The following LYPD6 variants were observed in gnomAD, a reference collection of about 807,000 sequenced individuals.
The protein encoded by LYPD6 is ly6/PLAUR domain-containing protein 6.
Under a neutral mutation model 22.7 loss-of-function variants are expected in LYPD6, and 15 were observed. That is an observed-to-expected ratio of 0.66 (90% CI 0.44 to 1.02). LYPD6 has a LOEUF of 1.02. Among genes scored for constraint, LYPD6 ranks in the 50% least tolerant of loss-of-function variants. The pLI is 0.00. For synonymous variants in LYPD6, 72 were observed against 77.5 expected (o/e 0.93, Z 0.37); for missense variants, 189 against 208.4 (o/e 0.91, Z 0.57).
At chr2:149,408,684 C>G (rs182211794) in intron 1 of LYPD6, among the ~76,000 whole-genome samples, 1 of 152,118 alleles carries the variant, frequency 6.6e-6, no homozygotes, top group Non-Finnish European at 1.5e-5. Context: ...TTCTTCTGCT[C>G]GTTTGATACT....
In LYPD6 at chr2:149,347,604, A is replaced by C. The variant is rs561599220; in HGVS notation, c.-72+16882A>C. Among the ~76,000 whole-genome samples, 81 of 152,264 alleles carry C rather than the reference A, an allele frequency of 5.3e-4. 1 individual carries two copies. Among genetic ancestry groups the C allele is most frequent in the Non-Finnish European group, 1.1e-3 (72 of 68,004 alleles). On this transcript the variant is annotated intron_variant, in intron 1 of 4. Transcript: ENST00000334166. ...TCTGGATTGAAATTTTATTTGCTGT[A>C]ATTTTATCCCCAAAATGACAGATTC... is the stretch of plus-strand genomic sequence containing the variant.
At chr2:149,367,324 A>G (rs2105073999) in intron 1 of LYPD6, among the ~76,000 whole-genome samples, 1 of 152,304 alleles carries the variant, frequency 6.6e-6, no homozygotes, top group Non-Finnish European at 1.5e-5. Context: ...TGAGGGCCTC[A>G]GTTCCTAACT....
intron 1 of LYPD6, among the ~76,000 whole-genome samples, chr2:149,365,519 T>C (rs1209949575): frequency 1.3e-5 from 2 of 152,188 alleles, no homozygotes; most frequent in Admixed American, 6.5e-5. Context: ...TGGATTGTTA[T>C]TAAGGATTTT....
In LYPD6 at chr2:149,470,838, GCTCAT is replaced by G. The variant is rs1304277668; in HGVS notation, c.505_509del (p.Leu169ValfsTer54). The G allele has an allele frequency of 3.7e-6, 6 of 1,612,498 alleles. No homozygotes were observed. The African/African-American group carries it at 6.7e-5, about 18-fold the overall frequency. On this transcript the variant is annotated frameshift_variant, in exon 5 of 5. Coordinates refer to ENST00000334166, the MANE Select transcript of LYPD6 (RefSeq NM_194317.5). LOFTEE classifies it high-confidence loss of function. ...TGTCCTGCTTGTGGTTGTGGTTAGG[GCTCAT>G]GTTATAGTGGCTCAGTGGCTCCATG...
chr2:149,377,275 G>A (rs1681943562), intron 1 of LYPD6, among the ~76,000 whole-genome samples: 1 of 150,838 alleles, frequency 6.6e-6, no homozygotes, highest in African/African-American at 2.4e-5. Flanking sequence ...GTTGCAAGGA[G>A]ACTATGCAGG....
In LYPD6 at chr2:149,380,849, A is replaced by G. The variant is rs116441553; in HGVS notation, c.-72+50127A>G. Among the ~76,000 whole-genome samples the G allele has an allele frequency of 3.3e-3, 503 of 152,288 alleles. 4 individuals are homozygous for G. Among genetic ancestry groups the G allele is most frequent in the South Asian group, 0.016 (78 of 4,818 alleles). Reference sequence around the variant, plus strand: ...TAAGGACTGACCTTTGGGGTACTCAATTTTGAGTCTGGGACACAGGGAAAT... The same window carrying G: ...TAAGGACTGACCTTTGGGGTACTCAGTTTTGAGTCTGGGACACAGGGAAAT... On this transcript the variant is annotated intron_variant, in intron 1 of 4. Coordinates refer to ENST00000334166, the MANE Select transcript of LYPD6 (RefSeq NM_194317.5).
Position 149,437,655 on chromosome 2 carries a change from TTGCCC to T in LYPD6, c.-51_-47del. On this transcript the variant is annotated 5_prime_UTR_variant, in exon 2 of 5. An upstream open reading frame in the 5' UTR gains an earlier in-frame stop. Transcript: ENST00000334166. ...TTTTTCAGGTGCAAGTTCTCTCCTGTTGCCCTGAGTGCCCACTCCCAGGCCCTCTG... is the reference window on the plus strand; with the variant it reads ...TTTTTCAGGTGCAAGTTCTCTCCTGTTGAGTGCCCACTCCCAGGCCCTCTG... The T allele has an allele frequency of 1.2e-6, 2 of 1,605,496 alleles. No homozygotes were observed. Among genetic ancestry groups the T allele is most frequent in the Non-Finnish European group, 1.7e-6 (2 of 1,174,848 alleles).
rs1393477846 is a variant in LYPD6 at position 149,468,703 on chromosome 2, C to T, written c.276C>T (p.Val92=). 1 of 1,613,684 alleles carries T rather than the reference C, an allele frequency of 6.2e-7. No individual in the cohort carries two copies. The highest frequency in any genetic ancestry group is 8.5e-7 in the Non-Finnish European group (1 of 1,179,680). The change falls in exon 4 of 5, where the codon GTC becomes GTT. Residue 92 remains valine, a synonymous_variant. Transcript: ENST00000334166. The part of the protein sequence containing the change: ...TMEVTGNSIS[V]TKRCVPLEEC... ...AAGTCACAGGAAACAGTATCTCAGT[C>T]ACCAAACGCTGTGTCCCACTGGAAG...
At chr2:149,396,145 G>A (rs1682424034) in intron 1 of LYPD6, among the ~76,000 whole-genome samples, 1 of 151,996 alleles carries the variant, frequency 6.6e-6, no homozygotes, top group Non-Finnish European at 1.5e-5. Flanking sequence ...TTTTCCCTAT[G>A]TTTCTATTGT....
chr2:149,334,870 G>A (rs1376813605), intron 1 of LYPD6, among the ~76,000 whole-genome samples: 1 of 151,792 alleles, frequency 6.6e-6, no homozygotes, highest in Non-Finnish European at 1.5e-5. Flanking sequence ...CTTATATGAT[G>A]GTGGTCCCAT....
intron 1 of LYPD6, among the ~76,000 whole-genome samples, chr2:149,406,596 T>G (rs1682715354): frequency 6.6e-6 from 1 of 152,226 alleles, no homozygotes; most frequent in South Asian, 2.1e-4. Flanking sequence ...TAGATCTTCC[T>G]CCATCCTTTT....
At chr2:149,457,692 T>G (rs1361055142) in intron 3 of LYPD6, among the ~76,000 whole-genome samples, 1 of 152,152 alleles carries the variant, frequency 6.6e-6, no homozygotes, top group Non-Finnish European at 1.5e-5. Flanking sequence ...GCCCAAAATG[T>G]CAGAAGCTGA....
intron 1 of LYPD6, among the ~76,000 whole-genome samples, chr2:149,354,918 C>T (rs1216766269): frequency 3.3e-5 from 5 of 152,116 alleles, no homozygotes; most frequent in Admixed American, 6.5e-5. Flanking sequence ...CTTGAAAGCT[C>T]GTGAGCCCTG....
downstream of LYPD6, among the ~76,000 whole-genome samples, chr2:149,475,660 A>G (rs10181533): frequency 0.047 from 7,165 of 152,250 alleles, 570 homozygotes; most frequent in African/African-American, 0.16. Context: ...GGACCTCTAC[A>G]TAGCTGTATT....
chr2:149,460,349 T>C (rs1558815856), intron 3 of LYPD6, among the ~76,000 whole-genome samples: 1 of 149,810 alleles, frequency 6.7e-6, no homozygotes, highest in Non-Finnish European at 1.5e-5. Context: ...GAAACATTAA[T>C]CAAAAGACTT....
chr2:149,404,283 G>A (rs1282495701), intron 1 of LYPD6, among the ~76,000 whole-genome samples: 1 of 152,164 alleles, frequency 6.6e-6, no homozygotes, highest in African/African-American at 2.4e-5. Flanking sequence ...ATCATTGTTA[G>A]CTTGATGGGG....
chr2:149,379,172 G>A (rs531075036), intron 1 of LYPD6, among the ~76,000 whole-genome samples: 20 of 152,102 alleles, frequency 1.3e-4, no homozygotes, highest in Non-Finnish European at 2.4e-4. Flanking sequence ...TCAACTAGAG[G>A]CTAGAAAAAA....
chr2:149,390,249 T>C (rs1682278851), intron 1 of LYPD6, among the ~76,000 whole-genome samples: 1 of 152,226 alleles, frequency 6.6e-6, no homozygotes, highest in Non-Finnish European at 1.5e-5. Flanking sequence ...ACTTTGGCTG[T>C]CTGGCCTCTT....
At chr2:149,376,410 C>G (rs1573752569) in intron 1 of LYPD6, among the ~76,000 whole-genome samples, 2 of 152,078 alleles carry the variant, frequency 1.3e-5, no homozygotes, top group African/African-American at 4.8e-5. Flanking sequence ...TTTCCATTGC[C>G]TTCTTAACTC....
Sources: gnomAD v4.1 joint callset for allele counts (sites outside exome capture counted in the v4.1 genomes callset) on GRCh38, gnomAD v4.1.1 for gene constraint, MANE v1.5 for transcripts, NCBI Gene and HGNC (gene_info 2026-07-23, HGNC 2026-07-21) for gene names.